Variants in TELO2 observed in about 807,000 individuals in gnomAD.
TELO2 encodes telomere maintenance 2, also known as telomere length regulation protein TEL2 homolog.
A neutral mutation model predicts 91.0 loss-of-function variants in TELO2; 71 were observed. The ratio of observed to expected loss-of-function variants is 0.78; its 90% CI spans 0.64 to 0.95. The LOEUF (loss-of-function observed/expected upper bound fraction) is 0.95, where lower values mean the gene tolerates loss of function less well. Ranked by LOEUF, TELO2 falls within the 40% of genes least tolerant of loss-of-function variation. TELO2 has a pLI of 0.00. For missense variants in TELO2, 1,183 were observed against 1,141.3 expected (o/e 1.04, Z -0.53); for synonymous variants, 584 against 518.9 (o/e 1.13, Z -1.71).
At position 1,497,022 on chromosome 16, in the gene TELO2, C is replaced by T; in HGVS notation, c.614-14C>T. 6.2e-7 allele frequency: 1 copy of T among 1,613,682 alleles called. No individual in the cohort carries two copies. Among genetic ancestry groups the T allele is most frequent in the South Asian group, 1.1e-5 (1 of 90,986 alleles). ...CCCGCCGGCTTCCTCATCAGGCCTC[C>T]CTTTCTGTCCCAGGTGGCCTGGATT... On this transcript the variant is annotated splice_polypyrimidine_tract_variant and intron_variant, in intron 3 of 20. Coordinates refer to ENST00000262319, the MANE Select transcript of TELO2 (RefSeq NM_016111.4). This position sits in a 1 kb window ranked among gnomAD's most constrained non-coding sequence, Gnocchi z 4.0.
Position 1,510,050 on chromosome 16 carries a change from G to C in TELO2, c.*114G>C. On this transcript the variant is annotated 3_prime_UTR_variant, in exon 21 of 21. Coordinates refer to ENST00000262319, the MANE Select transcript of TELO2 (RefSeq NM_016111.4). ...CGAGGCCAGGTCTTCGGCCGCATCC[G>C]GTACGGAGAGTGCAGATGCAGGAAG... 2 of 864,984 alleles carry C rather than the reference G, an allele frequency of 2.3e-6. No homozygotes were observed. Among genetic ancestry groups the C allele is most frequent in the Non-Finnish European group, 3.6e-6 (2 of 558,302 alleles). The allele number at this position is 864,984 out of a possible 1,614,324, so 53.6% of individuals were successfully genotyped here. A position where few individuals can be genotyped will look rare whatever the true frequency, so the allele number is the denominator to read the frequency against.
intron 3 of TELO2, 118 bp downstream of exon 3, chr16:1,495,741 G>C (rs1224321378): frequency 7.2e-7 from 1 of 1,391,552 alleles, no homozygotes; most frequent in African/African-American, 1.4e-5. Flanking sequence ...GATGCCGTCA[G>C]GCAGGTGGGG....
In TELO2 at chr16:1,494,215, C is replaced by A; in HGVS notation, c.-36-31C>A. 1 of 1,478,534 alleles carries A rather than the reference C, an allele frequency of 6.8e-7. No homozygotes were observed. The highest frequency in any genetic ancestry group is 9.3e-7 in the Non-Finnish European group (1 of 1,080,228). The allele number at this position is 1,478,534 out of a possible 1,614,324, so 91.6% of individuals were successfully genotyped here. A position where few individuals can be genotyped will look rare whatever the true frequency, so the allele number is the denominator to read the frequency against. On this transcript the variant is annotated intron_variant, in intron 1 of 20. Transcript: ENST00000262319. This position sits in a 1 kb window ranked among gnomAD's most constrained non-coding sequence, Gnocchi z 5.6. ...TGAGCTTGTGTGGATTATTTCCGTG[C>A]CCCAAGCTGAGCCCTGTGTCCATGT...
At position 1,507,726 on chromosome 16, in the gene TELO2, G is replaced by T. The variant is rs200338379; in HGVS notation, c.2407+10G>T. On this transcript the variant is annotated intron_variant, in intron 20 of 20. Transcript: ENST00000262319. ...CGGTCCTGGCTGGCGGGTGAGTGTC[G>T]GCCTGCGGTGTGTGTGTGAGATGTG... 6.3e-7 allele frequency: 1 copy of T among 1,595,970 alleles called. No individual in the cohort carries two copies.
At position 1,494,341 on chromosome 16, in the gene TELO2, G is replaced by C; in HGVS notation, c.60G>C (p.Ser20=). 1.2e-6 allele frequency: 2 copies of C among 1,613,646 alleles called. No homozygotes were observed. The highest frequency in any genetic ancestry group is 8.5e-7 in the Non-Finnish European group (1 of 1,180,014). Residue 20 remains serine (S), a synonymous_variant, in exon 2 of 21, where the codon TCG becomes TCC. Transcript: ENST00000262319. This position sits in a 1 kb window ranked among gnomAD's most constrained non-coding sequence, Gnocchi z 5.6. Reference sequence around the variant, plus strand: ...TCCGGGAAGCCATTCATGCCCTCTCGTCTTCGGAGGATGGCGGCCACATCT... The same window carrying C: ...TCCGGGAAGCCATTCATGCCCTCTCCTCTTCGGAGGATGGCGGCCACATCT... The part of the protein sequence containing the change: ...LAVREAIHAL[S]SSEDGGHIFC...
Position 1,496,956 on chromosome 16 carries a change from G to T in TELO2, c.614-80G>T, listed in dbSNP as rs530037723. The T allele has an allele frequency of 5.6e-6, 8 of 1,433,324 alleles. No individual in the cohort carries two copies. The South Asian group carries it at 6.1e-5, about 11-fold the overall frequency. The allele number at this position is 1,433,324 out of a possible 1,614,324, so 88.8% of individuals were successfully genotyped here. A position where few individuals can be genotyped will look rare whatever the true frequency, so the allele number is the denominator to read the frequency against. ...GCTGTCGGTTGGAGTCCGCCTGACCGAGAGCAGCTCTCCCCACACCTAGAT... is the reference window on the plus strand; with the variant it reads ...GCTGTCGGTTGGAGTCCGCCTGACCTAGAGCAGCTCTCCCCACACCTAGAT... On this transcript the variant is annotated intron_variant, in intron 3 of 20. Transcript: ENST00000262319.
In TELO2 at chr16:1,502,699, G is replaced by A. The variant is rs1215908644; in HGVS notation, c.1708G>A (p.Val570Met). The change falls in exon 14 of 21, where the codon GTG (valine) becomes ATG (methionine). Residue 570 changes from valine (V) to methionine (M), a missense_variant. Physicochemically the swap from Val to Met is conservative, Grantham distance 21. Coordinates refer to ENST00000262319, the MANE Select transcript of TELO2 (RefSeq NM_016111.4). Reference sequence around the variant, plus strand: ...GCATCTGGAGGAGAAGACCTGTGTGGTGGGATTTGCAGGGCTGCGCCAGAG... The same window carrying A: ...GCATCTGGAGGAGAAGACCTGTGTGATGGGATTTGCAGGGCTGCGCCAGAG... Reference protein sequence around the residue: ...LLHLEEKTCVVGFAGLRQRAL... With the variant: ...LLHLEEKTCVMGFAGLRQRAL... 1 of 1,612,812 alleles carries A rather than the reference G, an allele frequency of 6.2e-7. No individual in the cohort carries two copies. Among genetic ancestry groups the A allele is most frequent in the East Asian group, 2.2e-5 (1 of 44,866 alleles).
At position 1,502,762 on chromosome 16, in the gene TELO2, G is replaced by A. The variant is rs1254056000; in HGVS notation, c.1770+1G>A. The A allele has an allele frequency of 6.2e-7, 1 of 1,611,390 alleles. No individual in the cohort carries two copies. Among genetic ancestry groups the A allele is most frequent in the African/African-American group, 1.3e-5 (1 of 75,058 alleles). On this transcript the variant is annotated splice_donor_variant, in intron 14 of 20. Transcript: ENST00000262319. LOFTEE classifies it high-confidence loss of function. ...CGTCACGGTCACAGACCCGGCCCCG[G>A]TGAGTTCCCGCACCCGTGGCCCTGG... is the stretch of plus-strand genomic sequence containing the variant.
rs980240910 is a variant in TELO2 at position 1,497,985 on chromosome 16, C to G, written c.830+477C>G. Among the ~76,000 whole-genome samples the G allele has an allele frequency of 6.6e-6, 1 of 152,018 alleles. No homozygotes were observed. The highest frequency in any genetic ancestry group is 2.4e-5 in the African/African-American group (1 of 41,392). On this transcript the variant is annotated intron_variant, in intron 5 of 20. Coordinates refer to ENST00000262319, the MANE Select transcript of TELO2 (RefSeq NM_016111.4). This position sits in a 1 kb window ranked among gnomAD's most constrained non-coding sequence, Gnocchi z 4.0. ...CCCTTCAACGTGTGCAAGGACATAC[C>G]TGTCTCTGCCCAAAGTATTTCCTCC... is the stretch of plus-strand genomic sequence containing the variant.
Position 1,501,708 on chromosome 16 carries a change from C to T in TELO2, c.1407C>T (p.Pro469=), listed in dbSNP as rs142640419. 76 of 1,612,816 alleles carry T rather than the reference C, an allele frequency of 4.7e-5. No individual in the cohort carries two copies. The highest frequency in any genetic ancestry group is 3.2e-4 in the African/African-American group (24 of 75,034). Reference sequence around the variant, plus strand: ...CGGCAGAGCCCCCTGCAGAGACCCCCGCAGAGATCGTGGATGGCGGCGTCC... The same window carrying T: ...CGGCAGAGCCCCCTGCAGAGACCCCTGCAGAGATCGTGGATGGCGGCGTCC... ...PATAEPPAET[P]AEIVDGGVPQ... Residue 469 remains proline (P), a synonymous_variant, in exon 11 of 21, where the codon CCC becomes CCT. Transcript: ENST00000262319.
chr16:1,504,092 T>C (rs1008711224), intron 15 of TELO2, among the ~76,000 whole-genome samples: 24 of 138,230 alleles, frequency 1.7e-4, no homozygotes, highest in African/African-American at 5.9e-4. Context: ...ACCACTGCCC[T>C]GCAGCCTGGG....
rs2039867615 is a variant in TELO2, at chr16:1,505,664, C to G, written c.2034+63C>G. 3.3e-6 allele frequency: 5 copies of G among 1,532,970 alleles called. No individual in the cohort carries two copies. The Admixed American group carries it at 9.4e-5, about 29-fold the overall frequency. 95.0% of individuals were successfully genotyped at this position (1,532,970 alleles called of 1,614,324 possible). A position where few individuals can be genotyped will look rare whatever the true frequency, so the allele number is the denominator to read the frequency against. ...ACCGTGGGTGGGTGGGAAGGGCGGTCAGACACCTCCAGGCGCTGTCTGCAG... is the reference window on the plus strand; with the variant it reads ...ACCGTGGGTGGGTGGGAAGGGCGGTGAGACACCTCCAGGCGCTGTCTGCAG... On this transcript the variant is annotated intron_variant, in intron 16 of 20. Coordinates refer to ENST00000262319, the MANE Select transcript of TELO2 (RefSeq NM_016111.4). The surrounding 1 kb of genome is among the most constrained non-coding windows in gnomAD (Gnocchi z 4.3).
Position 1,510,349 on chromosome 16 carries a change from GAGA to G in TELO2, c.*415_*417del, listed in dbSNP as rs2040094401. ...CTCGGGCTGAGCGCCGTGTCACCAG[GAGA>G]ATAGTGCTCACAGCCCAGGCAGGGT... On this transcript the variant is annotated 3_prime_UTR_variant, in exon 21 of 21. Transcript: ENST00000262319. The G allele has an allele frequency of 4.1e-6, 1 of 242,592 alleles. No individual in the cohort carries two copies. Among genetic ancestry groups the G allele is most frequent in the African/African-American group, 2.3e-5 (1 of 43,560 alleles). 15.0% of individuals were successfully genotyped at this position (242,592 alleles called of 1,614,324 possible).
Position 1,497,518 on chromosome 16 carries a change from C to T in TELO2, c.830+10C>T, listed in dbSNP as rs759252293. 1.3e-6 allele frequency: 2 copies of T among 1,548,462 alleles called. No individual in the cohort carries two copies. Among genetic ancestry groups the T allele is most frequent in the South Asian group, 1.2e-5 (1 of 84,324 alleles). ...TGGAGGCCGCACTGGGGTAAGCAGC[C>T]AGGCTGTCCTCCAGCTGCACTGGCT... On this transcript the variant is annotated intron_variant, in intron 5 of 20. Transcript: ENST00000262319. The surrounding 1 kb of genome is among the most constrained non-coding windows in gnomAD (Gnocchi z 4.0).
chr16:1,499,968 G>A (rs982257811), intron 6 of TELO2, 128 bp from the exon 7 acceptor site: 36 of 1,122,518 alleles, frequency 3.2e-5, no homozygotes, highest in South Asian at 2.1e-4. Flanking sequence ...GGCAGTGGCC[G>A]CCCCCATGCT....
Position 1,509,962 on chromosome 16 carries a change from C to T in TELO2, c.*26C>T. 1.9e-6 allele frequency: 3 copies of T among 1,556,884 alleles called. No individual in the cohort carries two copies. ...TCCCTGGAGGCCTCCCCAGGACCAC[C>T]CTCGCCGACAGCAAGGCAGGCGGCT... On this transcript the variant is annotated 3_prime_UTR_variant, in exon 21 of 21. Coordinates refer to ENST00000262319, the MANE Select transcript of TELO2 (RefSeq NM_016111.4).
rs2039390568 is a variant in TELO2 at position 1,493,988 on chromosome 16, G to T, written c.-36-258G>T. On this transcript the variant is annotated intron_variant, in intron 1 of 20. Coordinates refer to ENST00000262319, the MANE Select transcript of TELO2 (RefSeq NM_016111.4). The surrounding 1 kb of genome is among the most constrained non-coding windows in gnomAD (Gnocchi z 4.3). Reference sequence around the variant, plus strand: ...TCCCTCTCGCGCCAGTGGCACTCCCGGTTGAGACAACTGAGAATGTTCCCT... The same window carrying T: ...TCCCTCTCGCGCCAGTGGCACTCCCTGTTGAGACAACTGAGAATGTTCCCT... 6.6e-6 allele frequency among the ~76,000 whole-genome samples: 1 copy of T among 152,232 alleles called. No homozygotes were observed. The highest frequency in any genetic ancestry group is 1.5e-5 in the Non-Finnish European group (1 of 68,044).
rs762746500 is a variant in TELO2, at chr16:1,497,141, G to A, written c.682+37G>A. 36 of 1,611,012 alleles carry A rather than the reference G, an allele frequency of 2.2e-5. No homozygotes were observed. The highest frequency in any genetic ancestry group is 5.0e-5 in the Admixed American group (3 of 59,848). ...AGTGCCTTCCTGCCCATCCTGCCCC[G>A]ACCCTCACAGCCCATCAGCCTTCTG... On this transcript the variant is annotated intron_variant, in intron 4 of 20. Transcript: ENST00000262319. This position sits in a 1 kb window ranked among gnomAD's most constrained non-coding sequence, Gnocchi z 4.0.
In TELO2 at chr16:1,505,101, C is replaced by G; in HGVS notation, c.1843-309C>G. On this transcript the variant is annotated intron_variant, in intron 15 of 20. Coordinates refer to ENST00000262319, the MANE Select transcript of TELO2 (RefSeq NM_016111.4). The surrounding 1 kb of genome is among the most constrained non-coding windows in gnomAD (Gnocchi z 4.3). ...TGCAGCGTTGCTTTTGCTGTGAGGC[C>G]GACTTCCTGGGATAAGGGCATGTGG... 3.1e-6 allele frequency: 1 copy of G among 322,004 alleles called. No individual in the cohort carries two copies. Among genetic ancestry groups the G allele is most frequent in the Non-Finnish European group, 5.8e-6 (1 of 173,484 alleles). 19.9% of individuals were successfully genotyped at this position (322,004 alleles called of 1,614,324 possible).
Sources: gnomAD v4.1 joint callset for allele counts (sites outside exome capture counted in the v4.1 genomes callset) on GRCh38, gnomAD v4.1.1 for gene constraint, Gnocchi (gnomAD v3.1) non-coding constraint, MANE v1.5 for transcripts, NCBI Gene and HGNC (gene_info 2026-07-23, HGNC 2026-07-21) for gene names.